Variants in DNAAF8 observed in about 807,000 individuals in gnomAD.
DNAAF8 encodes the protein dynein axonemal assembly factor 8, also known as dynein axonemal-associated protein 1.
In DNAAF8, 61 loss-of-function variants were observed where a neutral mutation model predicts 54.6. The ratio of observed to expected loss-of-function variants is 1.12; its 90% CI spans 0.91 to 1.38. The LOEUF (loss-of-function observed/expected upper bound fraction) is 1.38. DNAAF8 is among the 40% of genes most tolerant of loss of function. DNAAF8 has a pLI of 0.00. For missense variants in DNAAF8, 837 were observed against 665.0 expected (o/e 1.26, Z -2.85); for synonymous variants, 320 against 270.1 (o/e 1.18, Z -1.81).
rs747979025 is a variant in DNAAF8, at chr16:4,746,467, T to C, written c.1136T>C (p.Ile379Thr). The C allele has an allele frequency of 5.6e-6, 9 of 1,613,726 alleles. No homozygotes were observed. The highest frequency in any genetic ancestry group is 2.7e-5 in the African/African-American group (2 of 74,940). Residue 379 changes from isoleucine (I) to threonine (T), a missense_variant, in exon 7 of 10, where the codon ATT (isoleucine) becomes ACT (threonine). Coordinates refer to ENST00000299320, the MANE Select transcript of DNAAF8 (RefSeq NM_139170.3). ...RLNAESPTIF[I>T]DLRQMELPDH... Reference sequence around the variant, plus strand: ...AACGCAGAGTCCCCCACCATCTTTATTGACCTGCGGCAGATGGAGCTACCA... The same window carrying C: ...AACGCAGAGTCCCCCACCATCTTTACTGACCTGCGGCAGATGGAGCTACCA...
intron 9 of DNAAF8, 124 bp downstream of exon 9, chr16:4,747,758 T>G (rs533726826): frequency 2.5e-6 from 3 of 1,202,794 alleles, no homozygotes; most frequent in Non-Finnish European, 3.4e-6. Flanking sequence ...ACCCTCAGAC[T>G]TTGGACTGTT....
chr16:4,749,344 CCTCA>C lies in DNAAF8; in HGVS notation c.*632_*635del, dbSNP rs1380303298. On this transcript the variant is annotated 3_prime_UTR_variant, in exon 10 of 10. Transcript: ENST00000299320. ...TCTCCCACCTTTTTAATGCCAGTAA[CCTCA>C]CTGAGAATGTTTTACAGTGATGGAA... The C allele has an allele frequency of 6.5e-6, 1 of 154,450 alleles. No homozygotes were observed. Among genetic ancestry groups the C allele is most frequent in the African/African-American group, 2.4e-5 (1 of 41,538 alleles). 9.6% of individuals were successfully genotyped at this position (154,450 alleles called of 1,614,324 possible). A position where few individuals can be genotyped will look rare whatever the true frequency, so the allele number is the denominator to read the frequency against.
chr16:4,744,086 C>T (rs1026071885), intron 5 of DNAAF8, among the ~76,000 whole-genome samples: 12 of 152,088 alleles, frequency 7.9e-5, no homozygotes, highest in South Asian at 4.1e-4. Flanking sequence ...CGTGCCACCA[C>T]GCCTGGCTAA....
At chr16:4,747,088 C>A in intron 8 of DNAAF8, 63 bp downstream of exon 8, 1 of 1,437,976 alleles carries the variant, frequency 7.0e-7, no homozygotes, top group Non-Finnish European at 9.3e-7. Flanking sequence ...GCAGCAAGCC[C>A]TCCACCTGGC....
At chr16:4,740,771 A>G (rs1281340906) in intron 4 of DNAAF8, 112 bp downstream of exon 4, 3 of 1,308,836 alleles carry the variant, frequency 2.3e-6, no homozygotes, top group South Asian at 1.5e-5. Flanking sequence ...CTAGGACCTT[A>G]GGCCCATTAT....
At chr16:4,743,929 T>C (rs1382048262) in intron 5 of DNAAF8, 1 of 143,990 alleles carries the variant, frequency 6.9e-6, no homozygotes, top group Non-Finnish European at 1.5e-5. Context: ...ATTCTTTTTT[T>C]TTTTTTTTTT....
intron 4 of DNAAF8, among the ~76,000 whole-genome samples, chr16:4,741,142 G>C (rs1402750965): frequency 1.3e-5 from 2 of 151,058 alleles, no homozygotes; most frequent in South Asian, 4.2e-4. Context: ...GCTGAGGCAG[G>C]AGAATGGCGT....
At chr16:4,747,919 G>A (rs2082038618) in intron 9 of DNAAF8, among the ~76,000 whole-genome samples, 1 of 152,168 alleles carries the variant, frequency 6.6e-6, no homozygotes, top group Non-Finnish European at 1.5e-5. Flanking sequence ...ACGGGGTGCT[G>A]CTCTCTGCGG....
intron 4 of DNAAF8, among the ~76,000 whole-genome samples, chr16:4,742,588 C>T (rs1373247231): frequency 1.3e-5 from 2 of 149,916 alleles, no homozygotes; most frequent in African/African-American, 4.9e-5. Flanking sequence ...GGTGTGGTGG[C>T]GCATGCCTGT....
Position 4,747,007 on chromosome 16 carries a change from C to A in DNAAF8, c.1262C>A (p.Pro421His). 6.5e-7 allele frequency: 1 copy of A among 1,535,244 alleles called. No homozygotes were observed. Among genetic ancestry groups the A allele is most frequent in the East Asian group, 2.4e-5 (1 of 41,108 alleles). ...CTGGGAGACGCAGAGGGGGCATCTC[C>A]TTCCTCCCTGGGGCTACGGTAACCA... ...AALGDAEGASPSSLGLRTCTG... is the reference protein window; with the variant it reads ...AALGDAEGASHSSLGLRTCTG... The change falls in exon 8 of 10, where the codon CCT (proline) becomes CAT (histidine). Residue 421 changes from proline to histidine, a missense_variant. Pro to His is a moderately conservative substitution (Grantham distance 77, BLOSUM62 -2). Coordinates refer to ENST00000299320, the MANE Select transcript of DNAAF8 (RefSeq NM_139170.3).
At chr16:4,744,757 G>A in intron 5 of DNAAF8, 113 bp from the exon 6 acceptor site, 7 of 1,328,128 alleles carry the variant, frequency 5.3e-6, no homozygotes, top group Non-Finnish European at 7.2e-6. Context: ...GGCAGTGGAG[G>A]AGCCTGAGGT....
intron 5 of DNAAF8, among the ~76,000 whole-genome samples, chr16:4,744,631 C>T (rs939556756): frequency 1.1e-5 from 1 of 90,196 alleles, no homozygotes; most frequent in African/African-American, 3.4e-5. Flanking sequence ...TACGTCACTC[C>T]TACTTCACCA....
In DNAAF8 at chr16:4,737,897, GCGA is replaced by G. The variant is rs763521364; in HGVS notation, c.229_231del (p.Asp77del). 1.2e-6 allele frequency: 2 copies of G among 1,614,226 alleles called. No homozygotes were observed. The highest frequency in any genetic ancestry group is 1.7e-6 in the Non-Finnish European group (2 of 1,180,036). Reference sequence around the variant, plus strand: ...GAGCTGGCTGAAGATCCTGCCGATGGCGACAAGTCCAGGGCCTGGGTCGCTGCA... The same window carrying G: ...GAGCTGGCTGAAGATCCTGCCGATGGCAAGTCCAGGGCCTGGGTCGCTGCA... On this transcript the variant is annotated inframe_deletion, in exon 3 of 10. Coordinates refer to ENST00000299320, the MANE Select transcript of DNAAF8 (RefSeq NM_139170.3).
chr16:4,739,265 G>GTTTTTTTTTTTTTTTGTTTTTTTTTT (rs2081932137), intron 3 of DNAAF8, among the ~76,000 whole-genome samples: 1 of 69,030 alleles, frequency 1.4e-5, no homozygotes, highest in African/African-American at 5.4e-5. Context: ...ATTTTTTCTT[G>GTTTTTTTTTTTTTTTGTTTTTTTTTT]TTTTTTTTTT....
intron 3 of DNAAF8, among the ~76,000 whole-genome samples, chr16:4,739,265 G>GGTTTTTTTTTTGTTTTTTTTTT (rs1555482695): frequency 1.4e-5 from 1 of 69,030 alleles, no homozygotes; most frequent in African/African-American, 5.4e-5. Context: ...ATTTTTTCTT[G>GGTTTTTTTTTTGTTTTTTTTTT]TTTTTTTTTT....
In DNAAF8 at chr16:4,740,403, G is replaced by C. The variant is rs758431639; in HGVS notation, c.527G>C (p.Cys176Ser). 2 of 1,613,866 alleles carry C rather than the reference G, an allele frequency of 1.2e-6. No homozygotes were observed. Among genetic ancestry groups the C allele is most frequent in the Admixed American group, 1.7e-5 (1 of 59,996 alleles). The change falls in exon 4 of 10, where the codon TGC becomes TCC. Residue 176 changes from cysteine to serine, a missense_variant. Cys to Ser is a moderately radical substitution (Grantham distance 112). Transcript: ENST00000299320. Reference protein sequence around the residue: ...WDPQAEATLSCHEGDPKAEPL... With the variant: ...WDPQAEATLSSHEGDPKAEPL... ...CCACAGGCCGAAGCCACTCTCTCCT[G>C]CCATGAAGGAGACCCAAAGGCAGAG... is the stretch of plus-strand genomic sequence containing the variant.
In DNAAF8 at chr16:4,740,456, G is replaced by A; in HGVS notation, c.580G>A (p.Val194Met). 6.2e-7 allele frequency: 1 copy of A among 1,614,022 alleles called. No individual in the cohort carries two copies. Among genetic ancestry groups the A allele is most frequent in the Non-Finnish European group, 8.5e-7 (1 of 1,179,970 alleles). ...CCTCAGCACTGCCTCACAAGAATCT[G>A]TGAACCGCCGGGCCCTCCGACAGGA... ...EPLSTASQESVNRRALRQERR... is the reference protein window; with the variant it reads ...EPLSTASQESMNRRALRQERR... The change falls in exon 4 of 10, where the codon GTG becomes ATG. Residue 194 changes from valine to methionine, a missense_variant. Transcript: ENST00000299320.
intron 8 of DNAAF8, 65 bp from the exon 9 acceptor site, chr16:4,747,278 A>T: frequency 6.7e-7 from 1 of 1,491,212 alleles, no homozygotes; most frequent in Non-Finnish European, 9.0e-7. Context: ...CTCCTGTTTC[A>T]GTAAGGAGGG....
intron 4 of DNAAF8, 54 bp downstream of exon 4, chr16:4,740,713 C>T: frequency 6.7e-7 from 1 of 1,500,490 alleles, no homozygotes; most frequent in Non-Finnish European, 8.9e-7. Context: ...TGTGGCATGG[C>T]TGCTGTTCCC....
Sources: allele counts gnomAD v4.1 joint callset (sites outside exome capture counted in the v4.1 genomes callset), GRCh38; gene constraint gnomAD v4.1.1; transcripts MANE v1.5; gene names NCBI Gene and HGNC (gene_info 2026-07-23, HGNC 2026-07-21).